Variants in DRAM1 observed in about 807,000 individuals in gnomAD.
DRAM1 encodes DNA damage-regulated autophagy modulator protein 1.
A neutral mutation model predicts 28.5 loss-of-function variants in DRAM1; 25 were observed. The observed-to-expected ratio is 0.88, with a 90% CI of 0.64 to 1.23. DRAM1 has a LOEUF of 1.23. Among genes scored for constraint, DRAM1 ranks in the 50% most tolerant of loss-of-function variants. The probability of loss-of-function intolerance (pLI) is 0.00; values close to 1 mark genes in which losing one functional copy is unlikely to be tolerated. For synonymous variants in DRAM1, 113 were observed against 114.2 expected (o/e 0.99, Z 0.07); for missense variants, 249 against 299.2 (o/e 0.83, Z 1.24).
intron 2 of DRAM1, among the ~76,000 whole-genome samples, chr12:101,898,171 C>T (rs1437648055): frequency 6.6e-6 from 1 of 152,080 alleles, no homozygotes; most frequent in Non-Finnish European, 1.5e-5. Context: ...CAGGTGCACA[C>T]CACCACGCCC....
chr12:101,909,154 G>C (rs147882679), intron 4 of DRAM1, among the ~76,000 whole-genome samples: 3,618 of 151,938 alleles, frequency 0.024, 151 homozygotes, highest in African/African-American at 0.083. Flanking sequence ...CCAGCTACTT[G>C]GGAGGCTGAG....
intron 4 of DRAM1, among the ~76,000 whole-genome samples, chr12:101,912,757 A>C (rs1307913753): frequency 6.8e-6 from 1 of 146,650 alleles, no homozygotes; most frequent in Non-Finnish European, 1.5e-5. Context: ...TTTTTGAGAC[A>C]GAGTCTCACC....
intron 1 of DRAM1, among the ~76,000 whole-genome samples, chr12:101,895,566 A>ATTTT (rs553634247): frequency 9.7e-6 from 1 of 103,408 alleles, no homozygotes; most frequent in African/African-American, 4.0e-5. Context: ...AAGGGAGGCT[A>ATTTT]TTTTTTTTTT....
intron 3 of DRAM1, among the ~76,000 whole-genome samples, chr12:101,903,112 T>A (rs1356102180): frequency 6.6e-6 from 1 of 152,086 alleles, no homozygotes; most frequent in Non-Finnish European, 1.5e-5. Flanking sequence ...AGAGATAGGG[T>A]TTCCCCATGT....
chr12:101,880,278 CTTTTTTTTTTT>C (rs61082909), intron 1 of DRAM1, among the ~76,000 whole-genome samples: 5 of 70,096 alleles, frequency 7.1e-5, no homozygotes, highest in African/African-American at 3.0e-4. Context: ...GCAATGCTTC[CTTTTTTTTTTT>C]TTTTTTTTTT....
chr12:101,891,982 G>A (rs1203927198), intron 1 of DRAM1, among the ~76,000 whole-genome samples: 1 of 152,224 alleles, frequency 6.6e-6, no homozygotes, highest in Non-Finnish European at 1.5e-5. Context: ...GAATCATTTA[G>A]CTTGAGCTTA....
At chr12:101,914,524 C>G (rs1874162660) in intron 5 of DRAM1, among the ~76,000 whole-genome samples, 1 of 149,180 alleles carries the variant, frequency 6.7e-6, no homozygotes, top group African/African-American at 2.5e-5. Context: ...GCTGTGTTGC[C>G]CAGGCTGGAA....
chr12:101,887,443 T>G (rs2121028355), intron 1 of DRAM1, among the ~76,000 whole-genome samples: 1 of 152,274 alleles, frequency 6.6e-6, no homozygotes, highest in Middle Eastern at 3.4e-3. Flanking sequence ...CATCCACAGG[T>G]GGGCAAATGA....
chr12:101,916,354 A>C (rs1874242571), intron 5 of DRAM1, among the ~76,000 whole-genome samples: 1 of 152,202 alleles, frequency 6.6e-6, no homozygotes, highest in Admixed American at 6.5e-5. Context: ...CTCTACAAAA[A>C]TTAGCCAGAC....
chr12:101,893,975 G>T (rs4764664), intron 1 of DRAM1, among the ~76,000 whole-genome samples: 75,665 of 151,568 alleles, frequency 0.5, 19,218 homozygotes, highest in East Asian at 0.63. Context: ...CTGTCACCCA[G>T]GCTGGAGGGC....
At chr12:101,891,541 A>G (rs1470439486) in intron 1 of DRAM1, among the ~76,000 whole-genome samples, 1 of 152,228 alleles carries the variant, frequency 6.6e-6, no homozygotes, top group Non-Finnish European at 1.5e-5. Flanking sequence ...TTGAAGTAGG[A>G]TGTTACACAA....
At chr12:101,919,044 C>T (rs897389651) in intron 5 of DRAM1, among the ~76,000 whole-genome samples, 1 of 151,928 alleles carries the variant, frequency 6.6e-6, no homozygotes, top group East Asian at 1.9e-4. Flanking sequence ...AGTTCAGCCT[C>T]CCAAGTAGCT....
intron 3 of DRAM1, among the ~76,000 whole-genome samples, chr12:101,903,961 A>ACACACC (rs747907224): frequency 3.4e-5 from 4 of 116,498 alleles, no homozygotes; most frequent in East Asian, 4.9e-4. Flanking sequence ...ACACACACAC[A>ACACACC]CCCCTATAAG....
intron 1 of DRAM1, among the ~76,000 whole-genome samples, chr12:101,894,801 T>G (rs1873285482): frequency 6.6e-6 from 1 of 152,178 alleles, no homozygotes; most frequent in South Asian, 2.1e-4. Context: ...TGCCTTCCCT[T>G]TCTCCACAGA....
intron 4 of DRAM1, 46 bp from the exon 5 acceptor site, chr12:101,914,128 G>A: frequency 1.5e-6 from 2 of 1,324,864 alleles, no homozygotes; most frequent in Non-Finnish European, 2.1e-6. Flanking sequence ...TAACATTAAA[G>A]GAACTGTTGT....
At chr12:101,897,307 T>A (rs1237669659) in intron 1 of DRAM1, among the ~76,000 whole-genome samples, 2 of 151,964 alleles carry the variant, frequency 1.3e-5, no homozygotes, top group Non-Finnish European at 2.9e-5. Context: ...TCAAGAGATT[T>A]TCCTGCTTCA....
rs1331096066 is a variant in DRAM1 at position 101,887,505 on chromosome 12, ATTCATACAAG to A, written c.131+9589_131+9598del. 4.5e-4 allele frequency among the ~76,000 whole-genome samples: 68 copies of A among 152,060 alleles called. 2 individuals carry two copies. The highest frequency in any genetic ancestry group is 2.9e-4 in the Non-Finnish European group (20 of 67,996). ...AATAAAATGTTTGTGGTATGTATTCATTCATACAAGTTCTGAAGACTTTTTTCTTTTTCTT... is the reference window on the plus strand; with the variant it reads ...AATAAAATGTTTGTGGTATGTATTCATTCTGAAGACTTTTTTCTTTTTCTT... On this transcript the variant is annotated intron_variant, in intron 1 of 6. Transcript: ENST00000258534.
In DRAM1 at chr12:101,902,494, A is replaced by C. The variant is rs1335988005; in HGVS notation, c.342+1061A>C. On this transcript the variant is annotated intron_variant, in intron 3 of 6. Coordinates refer to ENST00000258534, the MANE Select transcript of DRAM1 (RefSeq NM_018370.3). Reference sequence around the variant, plus strand: ...ACCATCAGGATGCACACACACACAAAATTTAAAAAGGAAGACCTAGAGTGG... The same window carrying C: ...ACCATCAGGATGCACACACACACAACATTTAAAAAGGAAGACCTAGAGTGG... Among the ~76,000 whole-genome samples the C allele has an allele frequency of 2.6e-5, 4 of 152,276 alleles. No homozygotes were observed. In the South Asian group the frequency reaches 8.3e-4, roughly 32 times the overall value.
Position 101,903,966 on chromosome 12 carries a change from T to C in DRAM1, c.342+2533T>C, listed in dbSNP as rs1262828355. On this transcript the variant is annotated intron_variant, in intron 3 of 6. Coordinates refer to ENST00000258534, the MANE Select transcript of DRAM1 (RefSeq NM_018370.3). ...ACACACACACACACACACACACCCC[T>C]ATAAGCCTCATAAATATGAACAATT... Among the ~76,000 whole-genome samples, 7 of 143,854 alleles carry C rather than the reference T, an allele frequency of 4.9e-5. No individual in the cohort carries two copies. In the East Asian group the frequency reaches 1.7e-3, roughly 35 times the overall value. 94.4% of individuals were successfully genotyped at this position (143,854 alleles called of 152,430 possible). A position where few individuals can be genotyped will look rare whatever the true frequency, so the allele number is the denominator to read the frequency against.
Sources: gnomAD v4.1 joint callset for allele counts (sites outside exome capture counted in the v4.1 genomes callset) on GRCh38, gnomAD v4.1.1 for gene constraint, MANE v1.5 for transcripts, NCBI Gene and HGNC (gene_info 2026-07-23, HGNC 2026-07-21) for gene names.